SALL2: variants seen among roughly 807,000 people sequenced by gnomAD.
The protein encoded by SALL2 is sal-like protein 2.
SALL2 carries 32 observed loss-of-function variants against 58.5 expected under a neutral mutation model. That is an observed-to-expected ratio of 0.55 (90% CI 0.41 to 0.74). The LOEUF (loss-of-function observed/expected upper bound fraction) is 0.74, where lower values mean the gene tolerates loss of function less well. Ranked by LOEUF, SALL2 falls within the 30% of genes least tolerant of loss-of-function variation. The probability of loss-of-function intolerance (pLI) is 0.00; values close to 1 mark genes in which losing one functional copy is unlikely to be tolerated. For missense variants in SALL2, 1,201 were observed against 1,268.9 expected, an observed-to-expected ratio of 0.95 and a Z score of 0.81; for synonymous variants, 516 against 513.6, an observed-to-expected ratio of 1.00 and a Z score of -0.06.
chr14:21,526,907 A>G (rs943060435), upstream of SALL2, among the ~76,000 whole-genome samples: 1 of 151,644 alleles, frequency 6.6e-6, no homozygotes, highest in African/African-American at 2.4e-5. Flanking sequence ...GCAAGGTAGA[A>G]TTTCCCAGGA....
chr14:21,523,474 G>A lies in SALL2; in HGVS notation c.2248C>T (p.Gln750Ter). Residue 750 changes from glutamine (Q) to a stop codon, truncating the protein, a stop_gained, in exon 2 of 2, where the codon CAG becomes TAG. Coordinates refer to ENST00000537235, the MANE Select transcript of SALL2 (RefSeq NM_001364564.1). LOFTEE classifies it high-confidence loss of function. This position sits in a 1 kb window ranked among gnomAD's most constrained non-coding sequence, Gnocchi z 4.4. Reference protein sequence around the residue: ...VSGARSFPQQQSQQPSPEEEL... With the variant: ...VSGARSFPQQ ...TCTTCCGGTGATGGCTGCTGGGACTGCTGCTGGGGGAAACTCCGTGCCCCG... is the reference window on the plus strand; with the variant it reads ...TCTTCCGGTGATGGCTGCTGGGACTACTGCTGGGGGAAACTCCGTGCCCCG... 1 of 1,614,156 alleles carries A rather than the reference G, an allele frequency of 6.2e-7. No homozygotes were observed. The highest frequency in any genetic ancestry group is 1.1e-5 in the South Asian group (1 of 91,074).
upstream of SALL2, chr14:21,526,534 T>TGGCCAGCTCCCC: frequency 8.9e-7 from 1 of 1,124,280 alleles, no homozygotes; most frequent in Non-Finnish European, 1.1e-6. Context: ...TCCCGGTCCC[T>TGGCCAGCTCCCC]GGCCAGCTCC....
In SALL2 at chr14:21,526,228, C is replaced by A. The variant is rs898728374; in HGVS notation, c.-101G>T. Reference sequence around the variant, plus strand: ...GGTCTGCGGCAGCCTCTGCACCCAGCGGCCCAGACTGCGGAGATGGAGATC... The same window carrying A: ...GGTCTGCGGCAGCCTCTGCACCCAGAGGCCCAGACTGCGGAGATGGAGATC... On this transcript the variant is annotated 5_prime_UTR_variant, in exon 1 of 2. Transcript: ENST00000537235. 1.3e-6 allele frequency: 2 copies of A among 1,483,034 alleles called. No homozygotes were observed. Among genetic ancestry groups the A allele is most frequent in the South Asian group, 1.3e-5 (1 of 78,422 alleles). The allele number at this position is 1,483,034 out of a possible 1,614,324, so 91.9% of individuals were successfully genotyped here.
Position 21,526,167 on chromosome 14 carries a change from A to G in SALL2, c.-40T>C, listed in dbSNP as rs776438815. ...TGGAGGGCCAGGTGGGGTGGGAGACAATGGATATTGGGATTGAGGGAGGCG... is the reference window on the plus strand; with the variant it reads ...TGGAGGGCCAGGTGGGGTGGGAGACGATGGATATTGGGATTGAGGGAGGCG... On this transcript the variant is annotated 5_prime_UTR_variant, in exon 1 of 2. Transcript: ENST00000537235. 1 of 1,536,680 alleles carries G rather than the reference A, an allele frequency of 6.5e-7. No individual in the cohort carries two copies. The highest frequency in any genetic ancestry group is 8.7e-7 in the Non-Finnish European group (1 of 1,147,604).
rs948870103 is a variant in SALL2 at position 21,525,367 on chromosome 14, A to ACTCCT, written c.350_354dup (p.Ser119ArgfsTer22). 4 of 1,612,204 alleles carry ACTCCT rather than the reference A, an allele frequency of 2.5e-6. No homozygotes were observed. The highest frequency in any genetic ancestry group is 2.2e-5 in the East Asian group (1 of 44,786). The stretch of plus-strand genomic sequence containing the variant: ...GCAGCGACCAGGAAATGCCCTGAAG[A>ACTCCT]CTCCTCTCCTCTCCTCTCTGGGCCC... On this transcript the variant is annotated frameshift_variant, in exon 2 of 2. Coordinates refer to ENST00000537235, the MANE Select transcript of SALL2 (RefSeq NM_001364564.1). LOFTEE classifies it high-confidence loss of function. This position sits in a 1 kb window ranked among gnomAD's most constrained non-coding sequence, Gnocchi z 4.4.
In SALL2 at chr14:21,523,105, G is replaced by C; in HGVS notation, c.2617C>G (p.Pro873Ala). ...CCTTCTGGGGTGAGTGCTGATGCCG[G>C]ACTTGAGCTTCTCTCCGGTTTGCCC... Reference protein sequence around the residue: ...EGGKPERSSSPASALTPEGEA... With the variant: ...EGGKPERSSSAASALTPEGEA... Residue 873 changes from proline (P) to alanine (A), a missense_variant, in exon 2 of 2, where the codon CCG becomes GCG. Transcript: ENST00000537235. This position sits in a 1 kb window ranked among gnomAD's most constrained non-coding sequence, Gnocchi z 4.4. 9.9e-6 allele frequency: 16 copies of C among 1,614,166 alleles called. No individual in the cohort carries two copies. Among genetic ancestry groups the C allele is most frequent in the Non-Finnish European group, 1.3e-5 (15 of 1,180,030 alleles).
chr14:21,531,028 T>TA (rs1444386358), upstream of SALL2, among the ~76,000 whole-genome samples: 1 of 152,244 alleles, frequency 6.6e-6, no homozygotes, highest in African/African-American at 2.4e-5. Context: ...TTCTCCTCCT[T>TA]ACTCCTCTTT....
chr14:21,530,281 C>CTTTTTTTTTTTTTTTTT (rs34598628), upstream of SALL2, among the ~76,000 whole-genome samples: 9 of 64,850 alleles, frequency 1.4e-4, no homozygotes, highest in East Asian at 4.2e-4. Context: ...TTTTTTCTTT[C>CTTTTTTTTTTTTTTTTT]TTTTTTTTTT....
chr14:21,522,613 G>A lies in SALL2; in HGVS notation c.*91C>T, dbSNP rs1892081814. 4 of 1,475,530 alleles carry A rather than the reference G, an allele frequency of 2.7e-6. No individual in the cohort carries two copies. Among genetic ancestry groups the A allele is most frequent in the African/African-American group, 1.4e-5 (1 of 71,094 alleles). The allele number at this position is 1,475,530 out of a possible 1,614,324, so 91.4% of individuals were successfully genotyped here. On this transcript the variant is annotated 3_prime_UTR_variant, in exon 2 of 2. Coordinates refer to ENST00000537235, the MANE Select transcript of SALL2 (RefSeq NM_001364564.1). ...AACATGTTAAGAACTTAGAGAAAAAGACAAAATCAGGGCTCATAACTCTGG... is the reference window on the plus strand; with the variant it reads ...AACATGTTAAGAACTTAGAGAAAAAAACAAAATCAGGGCTCATAACTCTGG...
upstream of SALL2, among the ~76,000 whole-genome samples, chr14:21,531,049 G>A (rs949685310): frequency 6.6e-6 from 1 of 152,152 alleles, no homozygotes; most frequent in Admixed American, 6.5e-5. Flanking sequence ...CCTAAATGTA[G>A]ACACATAATA....
chr14:21,524,227 T>A lies in SALL2; in HGVS notation c.1495A>T (p.Thr499Ser). Reference protein sequence around the residue: ...TLLSTSAGTATAPGLPAFNKF... With the variant: ...TLLSTSAGTASAPGLPAFNKF... Reference sequence around the variant, plus strand: ...TTGAAAGCAGGGAGTCCTGGAGCCGTGGCTGTGCCTGCACTGGTGGAGAGC... The same window carrying A: ...TTGAAAGCAGGGAGTCCTGGAGCCGAGGCTGTGCCTGCACTGGTGGAGAGC... The change falls in exon 2 of 2, where the codon ACG becomes TCG. Residue 499 changes from threonine to serine, a missense_variant. Transcript: ENST00000537235. 1.2e-6 allele frequency: 2 copies of A among 1,612,860 alleles called. No homozygotes were observed. Among genetic ancestry groups the A allele is most frequent in the Non-Finnish European group, 1.7e-6 (2 of 1,179,340 alleles).
chr14:21,533,358 ACT>A (rs1283161428), intron 1 of SALL2, among the ~76,000 whole-genome samples: 1 of 151,908 alleles, frequency 6.6e-6, no homozygotes, highest in African/African-American at 2.4e-5. Flanking sequence ...AGCCCCCAAA[ACT>A]CTACCTTTGC....
chr14:21,536,826 C>A, intron 1 of SALL2: 1 of 1,612,096 alleles, frequency 6.2e-7, no homozygotes, highest in Admixed American at 1.7e-5. Flanking sequence ...CTTAGGGGCC[C>A]CCACCCCTCC....
chr14:21,530,281 C>CTTTTTTTT (rs34598628), upstream of SALL2, among the ~76,000 whole-genome samples: 11 of 64,846 alleles, frequency 1.7e-4, no homozygotes, highest in East Asian at 4.2e-4. Flanking sequence ...TTTTTTCTTT[C>CTTTTTTTT]TTTTTTTTTT....
Position 21,525,107 on chromosome 14 carries a change from C to G in SALL2, c.615G>C (p.Val205=). 1 of 1,614,136 alleles carries G rather than the reference C, an allele frequency of 6.2e-7. No individual in the cohort carries two copies. Among genetic ancestry groups the G allele is most frequent in the Non-Finnish European group, 8.5e-7 (1 of 1,180,002 alleles). The change falls in exon 2 of 2, where the codon GTG becomes GTC. Residue 205 remains valine, a synonymous_variant. Coordinates refer to ENST00000537235, the MANE Select transcript of SALL2 (RefSeq NM_001364564.1). This position sits in a 1 kb window ranked among gnomAD's most constrained non-coding sequence, Gnocchi z 4.4. The stretch of plus-strand genomic sequence containing the variant: ...TCTGGCCTAAGGAGCCAAGCAACAG[C>G]ACCTGCCTGCAGATTTGCTCAGTCA... The part of the protein sequence containing the change: ...MQMTEQICRQ[V]LLLGSLGQTV...
intron 1 of SALL2, among the ~76,000 whole-genome samples, chr14:21,531,358 T>C (rs1253308447): frequency 6.6e-6 from 1 of 152,180 alleles, no homozygotes; most frequent in Non-Finnish European, 1.5e-5. Context: ...TCTAGAACAT[T>C]CTAATATTTG....
upstream of SALL2, among the ~76,000 whole-genome samples, chr14:21,528,068 G>A (rs1237786971): frequency 6.6e-6 from 1 of 151,784 alleles, no homozygotes; most frequent in African/African-American, 2.4e-5. Context: ...AACCCAGGAG[G>A]TGGAGGTTGC....
Position 21,525,326 on chromosome 14 carries a change from A to T in SALL2, c.396T>A (p.Ala132=). The change falls in exon 2 of 2, where the codon GCT becomes GCA. Residue 132 remains alanine (A), a synonymous_variant. Transcript: ENST00000537235. The surrounding 1 kb of genome is among the most constrained non-coding windows in gnomAD (Gnocchi z 4.4). ...CCAAGATCAGGCCCCCGCCTCCCCC[A>T]GCCGCTGTACCTGTGGCAGCGACCA... ...HFLVAATGTA[A]GGGGGLILAS... 6.2e-7 allele frequency: 1 copy of T among 1,613,800 alleles called. No homozygotes were observed. Among genetic ancestry groups the T allele is most frequent in the Non-Finnish European group, 8.5e-7 (1 of 1,179,836 alleles).
upstream of SALL2, among the ~76,000 whole-genome samples, chr14:21,528,266 A>G (rs185850269): frequency 6.6e-6 from 1 of 152,354 alleles, no homozygotes; most frequent in East Asian, 1.9e-4. Context: ...AACCTTAAAT[A>G]CACATATACT....
Sources: allele counts gnomAD v4.1 joint callset (sites outside exome capture counted in the v4.1 genomes callset), GRCh38; gene constraint gnomAD v4.1.1; non-coding constraint Gnocchi (gnomAD v3.1); transcripts MANE v1.5; gene names NCBI Gene and HGNC (gene_info 2026-07-23, HGNC 2026-07-21).